SV2C: variants seen among roughly 807,000 people sequenced by gnomAD.
SV2C encodes the protein synaptic vesicle glycoprotein 2C.
A neutral mutation model predicts 79.7 loss-of-function variants in SV2C; 49 were observed. That is an observed-to-expected ratio of 0.61 (90% confidence interval 0.49 to 0.78). The LOEUF is 0.78. SV2C is among the 30% of genes least tolerant of loss of function. SV2C has a pLI of 0.00. For missense variants in SV2C, 833 were observed against 912.9 expected (o/e 0.91, Z 1.13); for synonymous variants, 334 against 333.2 (o/e 1.00, Z -0.03).
chr5:76,076,341 G>A, the SV2C span, among the ~76,000 whole-genome samples: 1 of 152,160 alleles, frequency 6.6e-6, no homozygotes, highest in East Asian at 1.9e-4. Flanking sequence ...ATTCCTTATA[G>A]TTTCCTATTG....
At chr5:76,016,262 A>AAAAAAAAAAAAAAAAAAAAAAAAAC in the SV2C span, among the ~76,000 whole-genome samples, 1 of 149,802 alleles carries the variant, frequency 6.7e-6, no homozygotes, top group East Asian at 1.9e-4. Flanking sequence ...TCTAAAAAAA[A>AAAAAAAAAAAAAAAAAAAAAAAAAC]AAAAAAAAAG....
the SV2C span, among the ~76,000 whole-genome samples, chr5:75,984,620 T>A: frequency 6.6e-6 from 1 of 150,786 alleles, no homozygotes; most frequent in African/African-American, 2.4e-5. Context: ...TCTATCTATC[T>A]ATCATCTATC....
At chr5:76,243,012 T>TAAA (rs559052290) in intron 4 of SV2C, among the ~76,000 whole-genome samples, 13 of 49,924 alleles carry the variant, frequency 2.6e-4, no homozygotes, top group African/African-American at 8.3e-4. Flanking sequence ...AGACCCCATC[T>TAAA]AAAAAAAAAA....
At chr5:76,289,119 T>C (rs1747457641) in intron 6 of SV2C, among the ~76,000 whole-genome samples, 2 of 152,170 alleles carry the variant, frequency 1.3e-5, no homozygotes, top group Non-Finnish European at 2.9e-5. Flanking sequence ...ACTCCTAGGC[T>C]CAAGTGATCC....
intron 1 of SV2C, among the ~76,000 whole-genome samples, chr5:76,099,480 G>C (rs1202495376): frequency 6.6e-6 from 1 of 151,582 alleles, no homozygotes; most frequent in African/African-American, 2.4e-5. Flanking sequence ...GCCTTCTCAG[G>C]GTTCTCTGAT....
intron 4 of SV2C, among the ~76,000 whole-genome samples, chr5:76,253,001 A>G (rs1035621427): frequency 2.0e-5 from 3 of 152,264 alleles, no homozygotes; most frequent in Admixed American, 2.0e-4. Context: ...ATATTGTTAT[A>G]TTGATCAATT....
At position 76,194,281 on chromosome 5, in the gene SV2C, A is replaced by G. The variant is rs1238315553; in HGVS notation, c.581-638A>G. 2.0e-5 allele frequency among the ~76,000 whole-genome samples: 3 copies of G among 152,340 alleles called. No homozygotes were observed. In the East Asian group the frequency reaches 5.8e-4, roughly 29 times the overall value. On this transcript the variant is annotated intron_variant, in intron 2 of 12. Coordinates refer to ENST00000502798, the MANE Select transcript of SV2C (RefSeq NM_014979.4). ...TCACTTTCTGATTTGTAGGCATTTT[A>G]AAAGACACAGATATTCTTATAAAGA...
chr5:76,236,248 A>T (rs1287676423), intron 4 of SV2C, among the ~76,000 whole-genome samples: 1 of 151,922 alleles, frequency 6.6e-6, no homozygotes, highest in Non-Finnish European at 1.5e-5. Flanking sequence ...ATTGAAAATC[A>T]AAGTAACATG....
chr5:76,272,617 TG>T (rs548404992), intron 4 of SV2C, among the ~76,000 whole-genome samples: 419 of 152,346 alleles, frequency 2.8e-3, no homozygotes, highest in African/African-American at 9.7e-3. Flanking sequence ...TGTTTTGTTT[TG>T]TTTTTTGTTT....
chr5:76,295,586 C>A (rs1371306345), intron 8 of SV2C, among the ~76,000 whole-genome samples, 192 bp from the exon 9 acceptor site: 1 of 152,186 alleles, frequency 6.6e-6, no homozygotes, highest in African/African-American at 2.4e-5. Flanking sequence ...TAGGCCATCT[C>A]TCAAGCTTGA....
At chr5:75,900,905 G>T in the SV2C span, among the ~76,000 whole-genome samples, 3 of 151,900 alleles carry the variant, frequency 2.0e-5, no homozygotes, top group African/African-American at 7.3e-5. Context: ...CATTCTTCAC[G>T]TAGTTCTTGA....
intron 12 of SV2C, among the ~76,000 whole-genome samples, chr5:76,341,577 A>C (rs1208958406): frequency 2.0e-5 from 3 of 152,232 alleles, no homozygotes; most frequent in Non-Finnish European, 2.9e-5. Flanking sequence ...GATGTGATGC[A>C]TTGAGAAAGC....
the SV2C span, chr5:75,910,578 T>C: frequency 4.3e-6 from 3 of 697,030 alleles, no homozygotes; most frequent in East Asian, 5.7e-5. Flanking sequence ...TTCAGTGAGA[T>C]TGAGGAGAGA....
At chr5:76,136,255 G>A (rs937180842) in intron 2 of SV2C, among the ~76,000 whole-genome samples, 17 of 152,336 alleles carry the variant, frequency 1.1e-4, no homozygotes, top group African/African-American at 3.8e-4. Flanking sequence ...ATTCCCGTAT[G>A]CATTGGTAGT....
chr5:75,932,546 T>A, the SV2C span, among the ~76,000 whole-genome samples: 1 of 152,270 alleles, frequency 6.6e-6, no homozygotes, highest in African/African-American at 2.4e-5. Context: ...ATTATTTCTA[T>A]AGATTATAGA....
the SV2C span, among the ~76,000 whole-genome samples, chr5:75,861,213 T>C: frequency 0.012 from 1,870 of 152,114 alleles, 53 homozygotes; most frequent in African/African-American, 0.043. Flanking sequence ...TAAAAGTGGC[T>C]AACAAACATG....
intron 1 of SV2C, among the ~76,000 whole-genome samples, chr5:76,092,967 T>C (rs1018882273): frequency 8.5e-5 from 13 of 152,178 alleles, no homozygotes; most frequent in Non-Finnish European, 1.6e-4. Flanking sequence ...TAGACTTTTA[T>C]ACCTTGAGGA....
chr5:75,927,309 A>G, the SV2C span, among the ~76,000 whole-genome samples: 1 of 152,208 alleles, frequency 6.6e-6, no homozygotes, highest in Non-Finnish European at 1.5e-5. Context: ...AATATTATTC[A>G]GCCTTAAAAA....
chr5:76,264,892 C>T (rs1746600353), intron 4 of SV2C, among the ~76,000 whole-genome samples: 1 of 152,200 alleles, frequency 6.6e-6, no homozygotes, highest in African/African-American at 2.4e-5. Flanking sequence ...GGAGGTCTCT[C>T]CCAGTCAGGA....
Sources: gnomAD v4.1 joint callset for allele counts (sites outside exome capture counted in the v4.1 genomes callset) on GRCh38, gnomAD v4.1.1 for gene constraint, MANE v1.5 for transcripts, NCBI Gene and HGNC (gene_info 2026-07-23, HGNC 2026-07-21) for gene names.